Variants in NTNG1 observed in about 807,000 individuals in gnomAD.
NTNG1 encodes netrin-G1.
Under a neutral mutation model 54.0 loss-of-function variants are expected in NTNG1, and 16 were observed. That is an observed-to-expected ratio of 0.30 (90% CI 0.20 to 0.45). The LOEUF is 0.45. Among genes scored for constraint, NTNG1 ranks in the 20% least tolerant of loss-of-function variants. The pLI is 1.00. For synonymous variants in NTNG1, 255 were observed against 263.1 expected, an observed-to-expected ratio of 0.97 and a Z score of 0.30; for missense variants, 530 against 678.7, an observed-to-expected ratio of 0.78 and a Z score of 2.43.
chr1:107,397,010 G>A (rs192428831), intron 4 of NTNG1, among the ~76,000 whole-genome samples: 45 of 152,226 alleles, frequency 3.0e-4, no homozygotes, highest in African/African-American at 9.9e-4. Context: ...CCAAGCTTTC[G>A]CATTGAAACT....
chr1:107,388,438 T>G (rs1672153194), intron 3 of NTNG1, among the ~76,000 whole-genome samples: 1 of 152,228 alleles, frequency 6.6e-6, no homozygotes, highest in African/African-American at 2.4e-5. Flanking sequence ...AGGCTGCCCA[T>G]GGTCTAAATC....
intron 1 of NTNG1, among the ~76,000 whole-genome samples, chr1:107,143,871 C>T (rs1653920880): frequency 6.6e-6 from 1 of 152,066 alleles, no homozygotes; most frequent in Non-Finnish European, 1.5e-5. Flanking sequence ...TCCTGCAAAA[C>T]ATGTGCTATC....
At chr1:107,245,290 G>A (rs1461138474) in intron 2 of NTNG1, among the ~76,000 whole-genome samples, 1 of 152,084 alleles carries the variant, frequency 6.6e-6, no homozygotes, top group Non-Finnish European at 1.5e-5. Context: ...GCAAACCCAG[G>A]GCTATACTTG....
At chr1:107,345,723 C>G in intron 3 of NTNG1, among the ~76,000 whole-genome samples, 1 of 152,048 alleles carries the variant, frequency 6.6e-6, no homozygotes, top group East Asian at 1.9e-4. Flanking sequence ...TCAACTAATC[C>G]CCATAAGAAA....
intron 2 of NTNG1, among the ~76,000 whole-genome samples, chr1:107,239,620 A>G (rs1570933445): frequency 1.3e-5 from 2 of 152,308 alleles, no homozygotes; most frequent in East Asian, 1.9e-4. Flanking sequence ...AGAGCTCACA[A>G]TTTGTTATTA....
chr1:107,150,440 T>C (rs1351681966), intron 2 of NTNG1, among the ~76,000 whole-genome samples: 1 of 152,182 alleles, frequency 6.6e-6, no homozygotes, highest in African/African-American at 2.4e-5. Flanking sequence ...ATAGGTTGTA[T>C]AGTCTTCTAC....
chr1:107,443,026 A>T (rs1163071625), intron 7 of NTNG1, among the ~76,000 whole-genome samples: 1 of 152,150 alleles, frequency 6.6e-6, no homozygotes, highest in Admixed American at 6.6e-5. Flanking sequence ...ATAGAAGCTG[A>T]ACAGGCTCCT....
chr1:107,177,013 C>G (rs1656694591), intron 2 of NTNG1, among the ~76,000 whole-genome samples: 1 of 152,120 alleles, frequency 6.6e-6, no homozygotes, highest in Non-Finnish European at 1.5e-5. Flanking sequence ...CTCTGAGGAG[C>G]AAAATTGCCC....
At chr1:107,480,007 C>A (rs1490678451) in intron 7 of NTNG1, among the ~76,000 whole-genome samples, 1 of 152,084 alleles carries the variant, frequency 6.6e-6, no homozygotes, top group East Asian at 1.9e-4. Context: ...ACACTCCTCC[C>A]ATGAAACAAG....
intron 7 of NTNG1, among the ~76,000 whole-genome samples, chr1:107,445,072 G>C (rs2101446364): frequency 6.6e-6 from 1 of 152,268 alleles, no homozygotes; most frequent in East Asian, 1.9e-4. Context: ...AAATATTTCA[G>C]TTAAGCAAGG....
rs376207061 is a variant in NTNG1, at chr1:107,407,704, T to C, written c.1083T>C (p.Ile361=). ...CAGGTATCCCCAGTATTTCCAGTAT[T>C]GGTAGTAAGTAAAAACAAAAACAAA... ...ANTCIPSISS[I]GNCECFGHSN... The change falls in exon 5 of 8, where the codon ATT becomes ATC. Residue 361 remains isoleucine, a synonymous_variant. Coordinates refer to ENST00000370068, the MANE Select transcript of NTNG1 (RefSeq NM_001113226.3). 7.0e-5 allele frequency: 113 copies of C among 1,609,572 alleles called. No individual in the cohort carries two copies. Among genetic ancestry groups the C allele is most frequent in the Non-Finnish European group, 8.7e-5 (103 of 1,177,234 alleles).
At chr1:107,311,817 T>C (rs1207695667) in intron 2 of NTNG1, among the ~76,000 whole-genome samples, 2 of 152,168 alleles carry the variant, frequency 1.3e-5, no homozygotes, top group African/African-American at 4.8e-5. Context: ...AAAATCACAA[T>C]TTTATATGAT....
chr1:107,460,547 C>A, intron 7 of NTNG1: 2 of 423,658 alleles, frequency 4.7e-6, no homozygotes, highest in Non-Finnish European at 4.7e-6. Context: ...ATATTCACAG[C>A]AACTTGGCTG....
At chr1:107,325,881 G>T (rs2101883230) in intron 3 of NTNG1, among the ~76,000 whole-genome samples, 1 of 152,044 alleles carries the variant, frequency 6.6e-6, no homozygotes, top group Admixed American at 6.6e-5. Context: ...ATGAGGATAA[G>T]CATATAAATA....
intron 3 of NTNG1, among the ~76,000 whole-genome samples, chr1:107,370,197 T>G (rs1274590673): frequency 2.0e-5 from 3 of 151,280 alleles, no homozygotes; most frequent in Non-Finnish European, 4.4e-5. Context: ...TTCTAAGCCC[T>G]TTACATTTCC....
chr1:107,246,211 C>T (rs1433594954), intron 2 of NTNG1, among the ~76,000 whole-genome samples: 1 of 152,112 alleles, frequency 6.6e-6, no homozygotes. Flanking sequence ...GCCACCACGC[C>T]TGGCTAATTA....
At chr1:107,264,358 C>G (rs1477698628) in intron 2 of NTNG1, among the ~76,000 whole-genome samples, 1 of 152,160 alleles carries the variant, frequency 6.6e-6, no homozygotes, top group Non-Finnish European at 1.5e-5. Flanking sequence ...TTTGTGGAGG[C>G]TGAAAGGCCC....
intron 3 of NTNG1, among the ~76,000 whole-genome samples, chr1:107,333,073 A>G (rs1668377297): frequency 6.6e-6 from 1 of 152,090 alleles, no homozygotes; most frequent in African/African-American, 2.4e-5. Flanking sequence ...AGATTATAAA[A>G]GTAGGGTAGT....
intron 7 of NTNG1, among the ~76,000 whole-genome samples, chr1:107,475,797 C>T (rs1218318615): frequency 3.9e-5 from 6 of 152,126 alleles, no homozygotes; most frequent in Admixed American, 3.3e-4. Flanking sequence ...CTGTATACTG[C>T]AGGATGTTAG....
Sources: gnomAD v4.1 joint callset for allele counts (sites outside exome capture counted in the v4.1 genomes callset) on GRCh38, gnomAD v4.1.1 for gene constraint, MANE v1.5 for transcripts, NCBI Gene and HGNC (gene_info 2026-07-23, HGNC 2026-07-21) for gene names.